PRKCE: variants seen among roughly 807,000 people sequenced by gnomAD.
PRKCE encodes the protein protein kinase C epsilon type.
In PRKCE, 16 loss-of-function variants were observed where a neutral mutation model predicts 85.4. That is an observed-to-expected ratio of 0.19 (90% CI 0.13 to 0.28). PRKCE has a LOEUF of 0.28. PRKCE is among the 10% of genes least tolerant of loss of function. The pLI, the probability that PRKCE is intolerant of heterozygous loss-of-function variation, is 1.00. For missense variants in PRKCE, 573 were observed against 975.2 expected, an observed-to-expected ratio of 0.59 and a Z score of 5.49; for synonymous variants, 388 against 371.5, an observed-to-expected ratio of 1.04 and a Z score of -0.51.
intron 11 of PRKCE, among the ~76,000 whole-genome samples, chr2:46,101,712 T>C (rs536811919): frequency 4.6e-5 from 7 of 152,146 alleles, no homozygotes; most frequent in Non-Finnish European, 1.0e-4. Context: ...GGGAGTTTAG[T>C]CCTCCAATTC....
rs148316351 is a variant in PRKCE, at chr2:45,725,172, A to G, written c.348+72724A>G. ...CATTCTTAAGAATTATGCTGATTCT[A>G]TTCTGCTCGTGCTCTGTCAATGGAA... On this transcript the variant is annotated intron_variant, in intron 1 of 14. Coordinates refer to ENST00000306156, the MANE Select transcript of PRKCE (RefSeq NM_005400.3). Among the ~76,000 whole-genome samples, 816 of 152,360 alleles carry G rather than the reference A, an allele frequency of 5.4e-3. 1 individual carries two copies. Among genetic ancestry groups the G allele is most frequent in the Non-Finnish European group, 8.9e-3 (604 of 68,036 alleles).
chr2:45,816,712 G>T (rs1198680668), intron 1 of PRKCE, among the ~76,000 whole-genome samples: 1 of 152,048 alleles, frequency 6.6e-6, no homozygotes, highest in Non-Finnish European at 1.5e-5. Context: ...TATCCCCAGC[G>T]CCACCCTGCA....
rs568122236 is a variant in PRKCE, at chr2:45,867,609, G to A, written c.412+24546G>A. Among the ~76,000 whole-genome samples the A allele has an allele frequency of 3.3e-5, 5 of 152,286 alleles. No homozygotes were observed. In the South Asian group the frequency reaches 1.0e-3, roughly 32 times the overall value. ...GATTCAGATTTATTTTTAAAATTCGGTGGAGGAATATCTCCTCATTGATTT... is the reference window on the plus strand; with the variant it reads ...GATTCAGATTTATTTTTAAAATTCGATGGAGGAATATCTCCTCATTGATTT... On this transcript the variant is annotated intron_variant, in intron 2 of 14. Coordinates refer to ENST00000306156, the MANE Select transcript of PRKCE (RefSeq NM_005400.3).
chr2:45,687,906 C>T (rs1014079962), intron 1 of PRKCE, among the ~76,000 whole-genome samples: 3 of 152,188 alleles, frequency 2.0e-5, no homozygotes, highest in African/African-American at 4.8e-5. Flanking sequence ...TTTGGAAGCA[C>T]GTTGGAGACC....
At chr2:45,962,663 G>T (rs529947661) in intron 2 of PRKCE, among the ~76,000 whole-genome samples, 31 of 152,310 alleles carry the variant, frequency 2.0e-4, no homozygotes, top group African/African-American at 7.5e-4. Flanking sequence ...ATAGAAGACA[G>T]CTCCGGGGGA....
At chr2:45,872,720 A>G (rs1015857225) in intron 2 of PRKCE, among the ~76,000 whole-genome samples, 1 of 152,228 alleles carries the variant, frequency 6.6e-6, no homozygotes, top group African/African-American at 2.4e-5. Flanking sequence ...TGTTCTAAGC[A>G]ACTGGAAGGA....
intron 13 of PRKCE, among the ~76,000 whole-genome samples, chr2:46,154,733 CT>C (rs368843926): frequency 0.053 from 7,254 of 136,202 alleles, 190 homozygotes; most frequent in Admixed American, 0.11. Flanking sequence ...CTCAGTGAGG[CT>C]TTTTTTTTTT....
At chr2:46,110,444 G>A (rs1672143049) in intron 11 of PRKCE, among the ~76,000 whole-genome samples, 1 of 152,074 alleles carries the variant, frequency 6.6e-6, no homozygotes, top group African/African-American at 2.4e-5. Context: ...CACAGAATTG[G>A]CCCATTTCAT....
At chr2:45,948,202 C>A (rs1299394327) in intron 2 of PRKCE, among the ~76,000 whole-genome samples, 1 of 152,110 alleles carries the variant, frequency 6.6e-6, no homozygotes, top group Admixed American at 6.5e-5. Flanking sequence ...ATACCCATAA[C>A]GTGGCACATG....
chr2:46,012,278 C>T (rs553514432), intron 10 of PRKCE, among the ~76,000 whole-genome samples: 57 of 151,972 alleles, frequency 3.8e-4, no homozygotes, highest in Non-Finnish European at 7.5e-4. Flanking sequence ...TTCTTTATCT[C>T]TCTCTCTTTT....
chr2:46,106,367 G>T (rs1469598109), intron 11 of PRKCE, among the ~76,000 whole-genome samples: 1 of 152,164 alleles, frequency 6.6e-6, no homozygotes, highest in African/African-American at 2.4e-5. Flanking sequence ...ATTTACTTAA[G>T]TGTTCATTCC....
rs574128685 is a variant in PRKCE at position 46,024,171 on chromosome 2, G to C, written c.1437+13654G>C. Among the ~76,000 whole-genome samples the C allele has an allele frequency of 5.9e-5, 9 of 152,274 alleles. No individual in the cohort carries two copies. The East Asian group carries it at 1.7e-3, about 29-fold the overall frequency. On this transcript the variant is annotated intron_variant, in intron 10 of 14. Transcript: ENST00000306156. The stretch of plus-strand genomic sequence containing the variant: ...ATGGCAATTGGTTGATTTATACTGG[G>C]GTGACTGAACTACTTACGTGAGTTG...
intron 1 of PRKCE, among the ~76,000 whole-genome samples, chr2:45,754,532 C>T (rs1383827817): frequency 2.0e-5 from 3 of 152,272 alleles, no homozygotes; most frequent in Middle Eastern, 3.4e-3. Context: ...AATATTCCTT[C>T]GAACTCCAGG....
intron 2 of PRKCE, among the ~76,000 whole-genome samples, chr2:45,888,465 C>CTT (rs34871432): frequency 0.27 from 20,125 of 74,768 alleles, 3,354 homozygotes; most frequent in East Asian, 0.55. Flanking sequence ...TCCCAACAGT[C>CTT]TTTTTTTTTT....
At chr2:45,898,813 G>A (rs568312641) in intron 2 of PRKCE, among the ~76,000 whole-genome samples, 4 of 152,186 alleles carry the variant, frequency 2.6e-5, no homozygotes, top group Non-Finnish European at 4.4e-5. Flanking sequence ...TGCCTTGGCT[G>A]AACTCGCATG....
At chr2:45,670,797 G>A (rs190053622) in intron 1 of PRKCE, among the ~76,000 whole-genome samples, 1 of 152,302 alleles carries the variant, frequency 6.6e-6, no homozygotes, top group African/African-American at 2.4e-5. Context: ...TTGAAGGATG[G>A]ATCGGATAGA....
chr2:46,090,335 C>G (rs914787463), intron 11 of PRKCE, among the ~76,000 whole-genome samples: 3 of 152,174 alleles, frequency 2.0e-5, no homozygotes, highest in African/African-American at 7.2e-5. Context: ...GCGGCCTCCC[C>G]TGACTCCCTC....
intron 10 of PRKCE, among the ~76,000 whole-genome samples, chr2:46,033,651 G>A (rs1707679880): frequency 6.6e-6 from 1 of 152,196 alleles, no homozygotes; most frequent in Non-Finnish European, 1.5e-5. Flanking sequence ...ACTGCCCAAG[G>A]CACTGTCCTA....
In PRKCE at chr2:46,009,243, C is replaced by A. The variant is rs369584643; in HGVS notation, c.1264-1101C>A. On this transcript the variant is annotated intron_variant, in intron 9 of 14. Transcript: ENST00000306156. The stretch of plus-strand genomic sequence containing the variant: ...TTCAACTACATAAAGATACATGATT[C>A]TTTTCAATAGAATAAAATAACAGAA... 8.5e-5 allele frequency among the ~76,000 whole-genome samples: 13 copies of A among 152,192 alleles called. 1 individual carries two copies. Among genetic ancestry groups the A allele is most frequent in the African/African-American group, 2.9e-4 (12 of 41,544 alleles).
Sources: allele counts gnomAD v4.1 joint callset (sites outside exome capture counted in the v4.1 genomes callset), GRCh38; gene constraint gnomAD v4.1.1; transcripts MANE v1.5; gene names NCBI Gene and HGNC (gene_info 2026-07-23, HGNC 2026-07-21).